The following KCNQ1 variants were observed in gnomAD, a reference collection of about 807,000 sequenced individuals.
The protein encoded by KCNQ1 is potassium voltage-gated channel subfamily KQT member 1.
In KCNQ1, 49 loss-of-function variants were observed where a neutral mutation model predicts 72.4. The ratio of observed to expected loss-of-function variants is 0.68; its 90% CI spans 0.54 to 0.86. The LOEUF (loss-of-function observed/expected upper bound fraction) is 0.86, where lower values mean the gene tolerates loss of function less well. Ranked by LOEUF, KCNQ1 falls within the 40% of genes least tolerant of loss-of-function variation. The pLI is 0.00. For synonymous variants in KCNQ1, 450 were observed against 412.6 expected (o/e 1.09, Z -1.10); for missense variants, 790 against 945.1 (o/e 0.84, Z 2.15).
rs891558487 is a variant in KCNQ1, at chr11:2,447,120, C to G, written c.386+1636C>G. Among the ~76,000 whole-genome samples the G allele has an allele frequency of 4.6e-5, 7 of 152,156 alleles. No homozygotes were observed. Among genetic ancestry groups the G allele is most frequent in the Non-Finnish European group, 1.0e-4 (7 of 68,036 alleles). On this transcript the variant is annotated intron_variant, in intron 1 of 15. Transcript: ENST00000155840. This position sits in a 1 kb window ranked among gnomAD's most constrained non-coding sequence, Gnocchi z 7.6. ...ATGCCTCCGGGCTCACTGCAGCCAC[C>G]CGTGTGGAGGAAGAGGAGGAAGAGG...
Position 2,787,063 on chromosome 11 carries a change from A to G in KCNQ1, c.1794+9026A>G. ...GGGAGGAATCATGTTTACCCCTTCC[A>G]TTGCCACATATGTGGGTGTACTGCC... On this transcript the variant is annotated intron_variant, in intron 15 of 15. Coordinates refer to ENST00000155840, the MANE Select transcript of KCNQ1 (RefSeq NM_000218.3). The surrounding 1 kb of genome is among the most constrained non-coding windows in gnomAD (Gnocchi z 6.3). 6.7e-6 allele frequency among the ~76,000 whole-genome samples: 1 copy of G among 150,200 alleles called. No homozygotes were observed. Among genetic ancestry groups the G allele is most frequent in the Middle Eastern group, 3.2e-3 (1 of 314 alleles).
At chr11:2,831,103 G>C (rs996052689) in intron 15 of KCNQ1, among the ~76,000 whole-genome samples, 1 of 152,238 alleles carries the variant, frequency 6.6e-6, no homozygotes, top group African/African-American at 2.4e-5. Context: ...GCAGAGGGCA[G>C]CCCTGCCTGC....
Position 2,613,723 on chromosome 11 carries a change from A to G in KCNQ1, c.1393+24869A>G, listed in dbSNP as rs1266376328. 2 of 398,438 alleles carry G rather than the reference A, an allele frequency of 5.0e-6. No homozygotes were observed. The highest frequency in any genetic ancestry group is 3.6e-5 in the East Asian group (1 of 28,072). 24.7% of individuals were successfully genotyped at this position (398,438 alleles called of 1,614,324 possible). On this transcript the variant is annotated intron_variant, in intron 10 of 15. Transcript: ENST00000155840. This position sits in a 1 kb window ranked among gnomAD's most constrained non-coding sequence, Gnocchi z 4.8. ...TTTTTTGAATACATATAACATTAAC[A>G]TACTTCCAAAAGTCAATACTAAACA...
rs1263804446 is a variant in KCNQ1, at chr11:2,735,652, TGG to T, written c.1515-33189_1515-33188del. 6.6e-6 allele frequency among the ~76,000 whole-genome samples: 1 copy of T among 150,948 alleles called. No homozygotes were observed. Among genetic ancestry groups the T allele is most frequent in the Admixed American group, 6.6e-5 (1 of 15,194 alleles). ...TCCGCTGTCACCACCAAGACCACAGTGGGGCAGTTTAAACAGCAGGCATTCAT... is the reference window on the plus strand; with the variant it reads ...TCCGCTGTCACCACCAAGACCACAGTGGCAGTTTAAACAGCAGGCATTCAT... On this transcript the variant is annotated intron_variant, in intron 11 of 15. Coordinates refer to ENST00000155840, the MANE Select transcript of KCNQ1 (RefSeq NM_000218.3). This position sits in a 1 kb window ranked among gnomAD's most constrained non-coding sequence, Gnocchi z 7.7.
chr11:2,569,928 G>A (rs962057364), intron 2 of KCNQ1, among the ~76,000 whole-genome samples: 3 of 152,162 alleles, frequency 2.0e-5, no homozygotes, highest in African/African-American at 4.8e-5. Context: ...CTCTGGTGTC[G>A]GTGGAGTTGA....
rs1847744422 is a variant in KCNQ1 at position 2,537,047 on chromosome 11, C to A, written c.477+9029C>A. ...GGAGGCTACCCTACTCCACTGTGAC[C>A]CCCCTCCTAACTGATCATATCTGCA... On this transcript the variant is annotated intron_variant, in intron 2 of 15. Transcript: ENST00000155840. This position sits in a 1 kb window ranked among gnomAD's most constrained non-coding sequence, Gnocchi z 5.2. 6.6e-6 allele frequency among the ~76,000 whole-genome samples: 1 copy of A among 151,964 alleles called. No individual in the cohort carries two copies. Among genetic ancestry groups the A allele is most frequent in the Non-Finnish European group, 1.5e-5 (1 of 68,010 alleles).
At chr11:2,465,721 G>T (rs1846342538) in intron 1 of KCNQ1, among the ~76,000 whole-genome samples, 1 of 152,218 alleles carries the variant, frequency 6.6e-6, no homozygotes, top group Non-Finnish European at 1.5e-5. Context: ...CCTGGGAGAA[G>T]GTTTACGGAG....
Position 2,759,177 on chromosome 11 carries a change from C to T in KCNQ1, c.1515-9667C>T, listed in dbSNP as rs145687895. The stretch of plus-strand genomic sequence containing the variant: ...CAAAATAAAAAGAAGCAAAACAACA[C>T]ACTGGGAGGTGCAGGAAACCACACA... On this transcript the variant is annotated intron_variant, in intron 11 of 15. Coordinates refer to ENST00000155840, the MANE Select transcript of KCNQ1 (RefSeq NM_000218.3). This position sits in a 1 kb window ranked among gnomAD's most constrained non-coding sequence, Gnocchi z 4.4. 1.1e-4 allele frequency among the ~76,000 whole-genome samples: 17 copies of T among 151,854 alleles called. No individual in the cohort carries two copies. Among genetic ancestry groups the T allele is most frequent in the African/African-American group, 3.1e-4 (13 of 41,374 alleles).
At position 2,483,439 on chromosome 11, in the gene KCNQ1, G is replaced by A. The variant is rs554249038; in HGVS notation, c.386+37955G>A. ...CAAAACCGACACCTGATACATTACC[G>A]TGAACTCAACTGCAGATCTGATTCA... On this transcript the variant is annotated intron_variant, in intron 1 of 15. Transcript: ENST00000155840. This position sits in a 1 kb window ranked among gnomAD's most constrained non-coding sequence, Gnocchi z 6.1. Among the ~76,000 whole-genome samples the A allele has an allele frequency of 1.1e-4, 17 of 152,204 alleles. No homozygotes were observed. Among genetic ancestry groups the A allele is most frequent in the African/African-American group, 3.9e-4 (16 of 41,520 alleles).
At chr11:2,825,646 A>T (rs572954767) in intron 15 of KCNQ1, among the ~76,000 whole-genome samples, 3 of 152,350 alleles carry the variant, frequency 2.0e-5, no homozygotes, top group Admixed American at 6.5e-5. Context: ...GGACCTGCCC[A>T]TGAGGAAGTC....
In KCNQ1 at chr11:2,543,666, A is replaced by G. The variant is rs1269642856; in HGVS notation, c.477+15648A>G. Among the ~76,000 whole-genome samples the G allele has an allele frequency of 1.3e-5, 2 of 152,160 alleles. No individual in the cohort carries two copies. Among genetic ancestry groups the G allele is most frequent in the Non-Finnish European group, 2.9e-5 (2 of 68,032 alleles). On this transcript the variant is annotated intron_variant, in intron 2 of 15. Transcript: ENST00000155840. This position sits in a 1 kb window ranked among gnomAD's most constrained non-coding sequence, Gnocchi z 5.6. ...ATATGTTTCATGCTTTTCACATTCT[A>G]TTTAGGAAATGCTTACCAAACACAC...
chr11:2,819,578 A>G (rs556428635), intron 15 of KCNQ1, among the ~76,000 whole-genome samples: 4 of 152,326 alleles, frequency 2.6e-5, no homozygotes, highest in South Asian at 2.1e-4. Context: ...ATCTGTGTTC[A>G]TACCTGATTT....
In KCNQ1 at chr11:2,508,757, CTG is replaced by C. The variant is rs1394866412; in HGVS notation, c.387-19169_387-19168del. Among the ~76,000 whole-genome samples the C allele has an allele frequency of 2.6e-5, 4 of 152,220 alleles. No individual in the cohort carries two copies. The East Asian group carries it at 7.7e-4, about 29-fold the overall frequency. ...CCCCGAATGGGAGGGATGGGAAAGA[CTG>C]TTGAACTAAGCTTTTTAGGAAGAAA... On this transcript the variant is annotated intron_variant, in intron 1 of 15. Coordinates refer to ENST00000155840, the MANE Select transcript of KCNQ1 (RefSeq NM_000218.3). The surrounding 1 kb of genome is among the most constrained non-coding windows in gnomAD (Gnocchi z 6.2).
chr11:2,526,561 G>T lies in KCNQ1; in HGVS notation c.387-1367G>T, dbSNP rs951304338. Among the ~76,000 whole-genome samples the T allele has an allele frequency of 2.6e-5, 4 of 152,228 alleles. No homozygotes were observed. The highest frequency in any genetic ancestry group is 9.6e-5 in the African/African-American group (4 of 41,552). ...TCCTGTCCACAGGAGCTTGGGGAAG[G>T]GGGTGGGGGGCCAGAGCCCCACCTT... On this transcript the variant is annotated intron_variant, in intron 1 of 15. Coordinates refer to ENST00000155840, the MANE Select transcript of KCNQ1 (RefSeq NM_000218.3). This position sits in a 1 kb window ranked among gnomAD's most constrained non-coding sequence, Gnocchi z 6.1.
rs530628030 is a variant in KCNQ1, at chr11:2,677,212, T to C, written c.1514+15131T>C. 288 of 398,638 alleles carry C rather than the reference T, an allele frequency of 7.2e-4. No homozygotes were observed. Among genetic ancestry groups the C allele is most frequent in the Middle Eastern group, 3.1e-3 (5 of 1,588 alleles). The allele number at this position is 398,638 out of a possible 1,614,324, so 24.7% of individuals were successfully genotyped here. A position where few individuals can be genotyped will look rare whatever the true frequency, so the allele number is the denominator to read the frequency against. On this transcript the variant is annotated intron_variant, in intron 11 of 15. Transcript: ENST00000155840. This position sits in a 1 kb window ranked among gnomAD's most constrained non-coding sequence, Gnocchi z 4.5. The stretch of plus-strand genomic sequence containing the variant: ...GCTGACTGACCTCTTTGGCTGTCTC[T>C]TGTCAACCAAAGACAATATAAAGCA...
Position 2,803,132 on chromosome 11 carries a change from G to C in KCNQ1, c.1794+25095G>C, listed in dbSNP as rs1352243252. ...GGGCAGAGTGAGCAAGGGGCTCAGGGTAGCCCAGAAAACCCAGCCGGGCCC... is the reference window on the plus strand; with the variant it reads ...GGGCAGAGTGAGCAAGGGGCTCAGGCTAGCCCAGAAAACCCAGCCGGGCCC... On this transcript the variant is annotated intron_variant, in intron 15 of 15. Coordinates refer to ENST00000155840, the MANE Select transcript of KCNQ1 (RefSeq NM_000218.3). The surrounding 1 kb of genome is among the most constrained non-coding windows in gnomAD (Gnocchi z 6.4). 6.9e-6 allele frequency among the ~76,000 whole-genome samples: 1 copy of C among 144,932 alleles called. No homozygotes were observed. Among genetic ancestry groups the C allele is most frequent in the Non-Finnish European group, 1.5e-5 (1 of 66,052 alleles).
At position 2,750,831 on chromosome 11, in the gene KCNQ1, G is replaced by A. The variant is rs958010043; in HGVS notation, c.1515-18013G>A. On this transcript the variant is annotated intron_variant, in intron 11 of 15. Coordinates refer to ENST00000155840, the MANE Select transcript of KCNQ1 (RefSeq NM_000218.3). This position sits in a 1 kb window ranked among gnomAD's most constrained non-coding sequence, Gnocchi z 6.3. ...CGGCATGCTGGAAGCCGGCCAACTC[G>A]CCAGTTCCATTAACTTAATGAGGGC... Among the ~76,000 whole-genome samples the A allele has an allele frequency of 2.0e-5, 3 of 152,006 alleles. No homozygotes were observed. Among genetic ancestry groups the A allele is most frequent in the Non-Finnish European group, 4.4e-5 (3 of 68,012 alleles).
Position 2,582,992 on chromosome 11 carries a change from G to A in KCNQ1, c.922-443G>A, listed in dbSNP as rs1276661258. Among the ~76,000 whole-genome samples, 21 of 152,136 alleles carry A rather than the reference G, an allele frequency of 1.4e-4. No individual in the cohort carries two copies. In the East Asian group the frequency reaches 4.1e-3, roughly 29 times the overall value. On this transcript the variant is annotated intron_variant, in intron 6 of 15. Coordinates refer to ENST00000155840, the MANE Select transcript of KCNQ1 (RefSeq NM_000218.3). ...CATCTGGTGCCCTGGAGTGGCGTCA[G>A]GAAGCAGCGCGTCATCCCAGCCCCT...
At chr11:2,557,192 A>G (rs1214460371) in intron 2 of KCNQ1, among the ~76,000 whole-genome samples, 1 of 152,268 alleles carries the variant, frequency 6.6e-6, no homozygotes, top group Non-Finnish European at 1.5e-5. Flanking sequence ...CAGGATGAAT[A>G]TCAACACTGA....
Sources: allele counts gnomAD v4.1 joint callset (sites outside exome capture counted in the v4.1 genomes callset), GRCh38; gene constraint gnomAD v4.1.1; non-coding constraint Gnocchi (gnomAD v3.1); transcripts MANE v1.5; gene names NCBI Gene and HGNC (gene_info 2026-07-23, HGNC 2026-07-21).